CDCA7L: variants seen among roughly 807,000 people sequenced by gnomAD.
The protein encoded by CDCA7L is cell division cycle associated 7 like.
CDCA7L carries 44 observed loss-of-function variants against 57.4 expected under a neutral mutation model. The observed-to-expected ratio is 0.77, with a 90% CI of 0.60 to 0.98. The LOEUF is 0.98. CDCA7L is among the 50% of genes least tolerant of loss of function. CDCA7L has a pLI of 0.00. For synonymous variants in CDCA7L, 236 were observed against 202.8 expected, an observed-to-expected ratio of 1.16 and a Z score of -1.39; for missense variants, 644 against 580.6, an observed-to-expected ratio of 1.11 and a Z score of -1.12.
chr7:21,900,924 T>A lies in CDCA7L; in HGVS notation c.*1398A>T. On this transcript the variant is annotated 3_prime_UTR_variant, in exon 10 of 10. Transcript: ENST00000406877. ...TATGACAAAACCAGAATGTTGAATG[T>A]TTATTGCATCAAACAACTTACTTGA... The A allele has an allele frequency of 7.1e-7, 1 of 1,415,602 alleles. No homozygotes were observed. The highest frequency in any genetic ancestry group is 1.5e-5 in the South Asian group (1 of 65,114). The allele number at this position is 1,415,602 out of a possible 1,614,324, so 87.7% of individuals were successfully genotyped here. A position where few individuals can be genotyped will look rare whatever the true frequency, so the allele number is the denominator to read the frequency against.
chr7:21,908,070 C>A, intron 4 of CDCA7L, 60 bp downstream of exon 4: 1 of 1,485,302 alleles, frequency 6.7e-7, no homozygotes, highest in East Asian at 2.4e-5. Flanking sequence ...GTTCTGGGAG[C>A]CCAGCAACTG....
intron 1 of CDCA7L, among the ~76,000 whole-genome samples, chr7:21,933,978 A>C (rs1013546621): frequency 1.3e-5 from 2 of 152,118 alleles, no homozygotes; most frequent in Admixed American, 1.3e-4. Context: ...ATAAAAATTA[A>C]GACATTCCCA....
rs534893489 is a variant in CDCA7L, at chr7:21,908,979, T to C, written c.304-472A>G. ...TGAATAACAGGGCGGGAGAGCTGACTGCACCTCAGGGCAGTGACCCAGGAC... is the reference window on the plus strand; with the variant it reads ...TGAATAACAGGGCGGGAGAGCTGACCGCACCTCAGGGCAGTGACCCAGGAC... On this transcript the variant is annotated intron_variant, in intron 3 of 9. Transcript: ENST00000406877. 5.9e-5 allele frequency among the ~76,000 whole-genome samples: 9 copies of C among 152,318 alleles called. No homozygotes were observed. The South Asian group carries it at 1.9e-3, about 32-fold the overall frequency.
Position 21,900,923 on chromosome 7 carries a change from G to A in CDCA7L, c.*1399C>T, listed in dbSNP as rs1169079920. The stretch of plus-strand genomic sequence containing the variant: ...ATATGACAAAACCAGAATGTTGAAT[G>A]TTTATTGCATCAAACAACTTACTTG... On this transcript the variant is annotated 3_prime_UTR_variant, in exon 10 of 10. Transcript: ENST00000406877. 1 of 1,424,414 alleles carries A rather than the reference G, an allele frequency of 7.0e-7. No homozygotes were observed. Among genetic ancestry groups the A allele is most frequent in the Non-Finnish European group, 9.2e-7 (1 of 1,085,942 alleles). The allele number at this position is 1,424,414 out of a possible 1,614,324, so 88.2% of individuals were successfully genotyped here.
chr7:21,925,859 G>T (rs1328179873), intron 1 of CDCA7L, among the ~76,000 whole-genome samples: 1 of 152,030 alleles, frequency 6.6e-6, no homozygotes, highest in East Asian at 1.9e-4. Flanking sequence ...TGTAACAGAG[G>T]AAGACCCTAT....
At position 21,905,638 on chromosome 7, in the gene CDCA7L, A is replaced by T; in HGVS notation, c.922-7T>A. On this transcript the variant is annotated splice_polypyrimidine_tract_variant and splice_region_variant and intron_variant, in intron 6 of 9. Coordinates refer to ENST00000406877, the MANE Select transcript of CDCA7L (RefSeq NM_018719.5). ...TGTACTCCCGGCATTTCCCCTGCAC[A>T]ATGAACACAAGCAGAACATGGAGAT... 1 of 1,612,888 alleles carries T rather than the reference A, an allele frequency of 6.2e-7. No homozygotes were observed.
intron 1 of CDCA7L, among the ~76,000 whole-genome samples, chr7:21,937,620 A>G (rs977840938): frequency 5.3e-5 from 8 of 151,966 alleles, no homozygotes; most frequent in Admixed American, 1.3e-4. Context: ...CCTAGGTGAC[A>G]GAACAAGACT....
Position 21,901,661 on chromosome 7 carries a change from CAACAA to C in CDCA7L, c.*656_*660del. 1.3e-5 allele frequency: 2 copies of C among 157,104 alleles called. No homozygotes were observed. Among genetic ancestry groups the C allele is most frequent in the Admixed American group, 1.3e-4 (2 of 15,760 alleles). 9.7% of individuals were successfully genotyped at this position (157,104 alleles called of 1,614,324 possible). On this transcript the variant is annotated 3_prime_UTR_variant, in exon 10 of 10. Transcript: ENST00000406877. ...AACGGAGATTTTAATTTTTAACAAACAACAAATTAAATTATTAGCCCTTAAACTCT... is the reference window on the plus strand; with the variant it reads ...AACGGAGATTTTAATTTTTAACAAACATTAAATTATTAGCCCTTAAACTCT...
chr7:21,916,862 G>T lies in CDCA7L; in HGVS notation c.57C>A (p.Ala19=), dbSNP rs567857909. 34 of 1,614,010 alleles carry T rather than the reference G, an allele frequency of 2.1e-5. No individual in the cohort carries two copies. In the South Asian group the frequency reaches 3.3e-4, roughly 16 times the overall value. ...CAACAAACTCTTCATCATCACTGGG[G>T]GCGTTAAAGATGTCAGCCACTTCTT... is the stretch of plus-strand genomic sequence containing the variant. ...IPKEVADIFN[A]PSDDEEFVGF... Residue 19 remains alanine, a synonymous_variant, in exon 2 of 10, where the codon GCC becomes GCA. Coordinates refer to ENST00000406877, the MANE Select transcript of CDCA7L (RefSeq NM_018719.5).
In CDCA7L at chr7:21,911,604, T is replaced by C; in HGVS notation, c.303+13A>G. On this transcript the variant is annotated intron_variant, in intron 3 of 9. Coordinates refer to ENST00000406877, the MANE Select transcript of CDCA7L (RefSeq NM_018719.5). The stretch of plus-strand genomic sequence containing the variant: ...ACGTTACCACCCACATCCCTTCCTG[T>C]TGTAATTATTACCATTACTTCTGGG... 6.2e-7 allele frequency: 1 copy of C among 1,606,554 alleles called. No homozygotes were observed. Among genetic ancestry groups the C allele is most frequent in the Non-Finnish European group, 8.5e-7 (1 of 1,177,894 alleles).
Position 21,916,805 on chromosome 7 carries a change from G to A in CDCA7L, c.114C>T (p.Leu38=), listed in dbSNP as rs1041892227. 7 of 1,613,936 alleles carry A rather than the reference G, an allele frequency of 4.3e-6. No individual in the cohort carries two copies. In the Admixed American group the frequency reaches 5.0e-5, roughly 12 times the overall value. The change falls in exon 2 of 10, where the codon CTC becomes CTT. Residue 38 remains leucine (L), a synonymous_variant. Transcript: ENST00000406877. ...GFRDDVPMET[L]SSEESCDSFD... Reference sequence around the variant, plus strand: ...AACTATCGCAGCTCTCCTCTGACGAGAGGGTTTCCATGGGAACATCATCTC... The same window carrying A: ...AACTATCGCAGCTCTCCTCTGACGAAAGGGTTTCCATGGGAACATCATCTC...
chr7:21,918,675 C>T (rs367676912), intron 1 of CDCA7L, among the ~76,000 whole-genome samples: 68 of 151,496 alleles, frequency 4.5e-4, no homozygotes, highest in African/African-American at 1.6e-3. Context: ...GGCTTTACTT[C>T]TAGTTGGCTT....
intron 2 of CDCA7L, among the ~76,000 whole-genome samples, chr7:21,916,393 C>T (rs760702180): frequency 1.3e-5 from 2 of 151,970 alleles, no homozygotes; most frequent in Non-Finnish European, 2.9e-5. Flanking sequence ...CGTAACCACA[C>T]AATCCCTCAT....
intron 1 of CDCA7L, among the ~76,000 whole-genome samples, chr7:21,931,874 C>T (rs1786029234): frequency 6.6e-6 from 1 of 152,226 alleles, no homozygotes; most frequent in Admixed American, 6.5e-5. Flanking sequence ...CCAACTGTCT[C>T]TGTTTGCAGA....
intron 1 of CDCA7L, among the ~76,000 whole-genome samples, chr7:21,930,247 TA>T (rs2128067212): frequency 1.3e-5 from 2 of 152,150 alleles, no homozygotes; most frequent in East Asian, 3.9e-4. Flanking sequence ...AAGACAGAAA[TA>T]AATAAGTTCT....
chr7:21,944,611 C>CA (rs2128072569), intron 1 of CDCA7L: 1 of 152,198 alleles, frequency 6.6e-6, no homozygotes, highest in South Asian at 2.1e-4. Context: ...GAAACATCAA[C>CA]AACAGATTTT....
chr7:21,902,463 C>T, intron 9 of CDCA7L, 111 bp from the exon 10 acceptor site: 3 of 1,027,070 alleles, frequency 2.9e-6, no homozygotes, highest in Non-Finnish European at 3.1e-6. Context: ...ACCCAGATCT[C>T]CTGACACTCG....
At chr7:21,935,083 C>T (rs1235049580) in intron 1 of CDCA7L, among the ~76,000 whole-genome samples, 1 of 152,172 alleles carries the variant, frequency 6.6e-6, no homozygotes, top group African/African-American at 2.4e-5. Flanking sequence ...AACCCAACAA[C>T]AGAATAAACA....
chr7:21,916,824 T>C lies in CDCA7L; in HGVS notation c.95A>G (p.Asp32Gly). ...TGACGAGAGGGTTTCCATGGGAACA[T>C]CATCTCGGAAGCCAACAAACTCTTC... ...DDEEFVGFRD[D>G]VPMETLSSEE... is the part of the protein sequence containing the mutation. The change falls in exon 2 of 10, where the codon GAT becomes GGT. Residue 32 changes from aspartate (D) to glycine (G), a missense_variant. Coordinates refer to ENST00000406877, the MANE Select transcript of CDCA7L (RefSeq NM_018719.5). 6.2e-7 allele frequency: 1 copy of C among 1,614,016 alleles called. No individual in the cohort carries two copies. Among genetic ancestry groups the C allele is most frequent in the Non-Finnish European group, 8.5e-7 (1 of 1,179,914 alleles).
Sources: allele counts gnomAD v4.1 joint callset (sites outside exome capture counted in the v4.1 genomes callset), GRCh38; gene constraint gnomAD v4.1.1; transcripts MANE v1.5; gene names NCBI Gene and HGNC (gene_info 2026-07-23, HGNC 2026-07-21).